The following PRKN variants were observed in gnomAD, a reference collection of about 807,000 sequenced individuals.
The protein encoded by PRKN is parkin RBR E3 ubiquitin protein ligase, also known as E3 ubiquitin-protein ligase parkin.
In PRKN, 56 loss-of-function variants were observed where a neutral mutation model predicts 59.5. The ratio of observed to expected loss-of-function variants is 0.94; its 90% CI spans 0.76 to 1.18. The LOEUF (loss-of-function observed/expected upper bound fraction) is 1.18, where lower values mean the gene tolerates loss of function less well. Ranked by LOEUF, PRKN falls within the 50% of genes most tolerant of loss-of-function variation. PRKN has a pLI of 0.00. For missense variants in PRKN, 657 were observed against 596.4 expected (o/e 1.10, Z -1.06); for synonymous variants, 250 against 222.1 (o/e 1.13, Z -1.12).
chr6:162,538,018 ATATAGTCATC>A (rs1249907872), intron 1 of PRKN, among the ~76,000 whole-genome samples: 1 of 152,216 alleles, frequency 6.6e-6, no homozygotes, highest in African/African-American at 2.4e-5. Context: ...ACTGGTATAA[ATATAGTCATC>A]TTCTCAACTG....
At chr6:162,207,307 C>T (rs11969594) in intron 3 of PRKN, among the ~76,000 whole-genome samples, 3,883 of 152,094 alleles carry the variant, frequency 0.026, 131 homozygotes, top group African/African-American at 0.078. Context: ...AGGAGACGGA[C>T]GCTGAAGTGA....
intron 6 of PRKN, among the ~76,000 whole-genome samples, chr6:161,879,085 C>A (rs182017022): frequency 2.6e-5 from 4 of 152,114 alleles, no homozygotes; most frequent in South Asian, 2.1e-4. Flanking sequence ...ATTAGCATTT[C>A]TCTCCAGATT....
At chr6:162,543,878 G>A (rs1057384136) in intron 1 of PRKN, among the ~76,000 whole-genome samples, 2 of 152,124 alleles carry the variant, frequency 1.3e-5, no homozygotes, top group East Asian at 1.9e-4. Context: ...CAGCAAAGGG[G>A]CCAATGAGAA....
At chr6:162,443,591 A>G (rs1790168740) in intron 1 of PRKN, 118 bp from the exon 2 acceptor site, 1 of 922,928 alleles carries the variant, frequency 1.1e-6, no homozygotes, top group African/African-American at 1.6e-5. Flanking sequence ...AATGGTATAT[A>G]TTTTCTTTCA....
chr6:162,486,804 T>C (rs1562323028), intron 1 of PRKN, among the ~76,000 whole-genome samples: 1 of 152,160 alleles, frequency 6.6e-6, no homozygotes, highest in African/African-American at 2.4e-5. Context: ...GCGTGGTGGC[T>C]CATGCCTGTA....
intron 4 of PRKN, among the ~76,000 whole-genome samples, chr6:162,175,743 A>T (rs1240754390): frequency 6.6e-6 from 1 of 152,148 alleles, no homozygotes; most frequent in African/African-American, 2.4e-5. Flanking sequence ...TACTGCTGGA[A>T]TAGCAAGACT....
At chr6:162,549,795 T>C (rs1238331851) in intron 1 of PRKN, among the ~76,000 whole-genome samples, 3 of 152,068 alleles carry the variant, frequency 2.0e-5, no homozygotes, top group Non-Finnish European at 2.9e-5. Context: ...TATGACACCA[T>C]GCCTGGCTAA....
chr6:162,492,197 T>TA (rs1411283202), intron 1 of PRKN, among the ~76,000 whole-genome samples: 1 of 152,178 alleles, frequency 6.6e-6, no homozygotes, highest in African/African-American at 2.4e-5. Context: ...ACTAACATGA[T>TA]AAAAGATTGG....
In PRKN at chr6:162,437,201, T is replaced by C. The variant is rs151229618; in HGVS notation, c.171+6109A>G. Among the ~76,000 whole-genome samples the C allele has an allele frequency of 2.1e-3, 317 of 152,362 alleles. 1 individual carries two copies. Among genetic ancestry groups the C allele is most frequent in the African/African-American group, 6.8e-3 (281 of 41,588 alleles). ...GTATGAACAAGTCTTTAAATGTGTC[T>C]GCTAATCAATTAAATTATTTTTCTC... On this transcript the variant is annotated intron_variant, in intron 2 of 11. Coordinates refer to ENST00000366898, the MANE Select transcript of PRKN (RefSeq NM_004562.3).
chr6:161,580,344 C>T (rs1268471975), intron 7 of PRKN, among the ~76,000 whole-genome samples: 1 of 152,156 alleles, frequency 6.6e-6, no homozygotes, highest in East Asian at 1.9e-4. Context: ...CTCTAAAACA[C>T]GAGACCTTGA....
intron 7 of PRKN, among the ~76,000 whole-genome samples, chr6:161,700,972 T>C (rs1786227586): frequency 6.6e-6 from 1 of 152,248 alleles, no homozygotes; most frequent in East Asian, 1.9e-4. Flanking sequence ...TTTGTTTGTC[T>C]GTATAGATAT....
chr6:161,696,220 T>C (rs904321313), intron 7 of PRKN, among the ~76,000 whole-genome samples: 2 of 152,184 alleles, frequency 1.3e-5, no homozygotes, highest in Admixed American at 6.5e-5. Context: ...TTTTTTCCCA[T>C]AGTTAAGAGA....
chr6:162,448,261 T>A (rs753464539), intron 1 of PRKN, among the ~76,000 whole-genome samples: 1 of 152,128 alleles, frequency 6.6e-6, no homozygotes, highest in Non-Finnish European at 1.5e-5. Context: ...CTTCTGCACC[T>A]TTGAGAACTA....
At chr6:161,650,020 C>G (rs1784094494) in intron 7 of PRKN, among the ~76,000 whole-genome samples, 1 of 152,178 alleles carries the variant, frequency 6.6e-6, no homozygotes, top group South Asian at 2.1e-4. Context: ...AGAGTCTCAG[C>G]TGAGGCCTCA....
At chr6:161,965,684 AT>A (rs1234175025) in intron 6 of PRKN, among the ~76,000 whole-genome samples, 1 of 152,058 alleles carries the variant, frequency 6.6e-6, no homozygotes, top group Non-Finnish European at 1.5e-5. Context: ...AATCAAACAC[AT>A]TTAAGAAATA....
chr6:161,506,808 G>T (rs1411917372), intron 9 of PRKN, among the ~76,000 whole-genome samples: 3 of 152,198 alleles, frequency 2.0e-5, no homozygotes, highest in East Asian at 1.9e-4. Flanking sequence ...GTCCCAAAAA[G>T]CTTGCTCAGT....
chr6:162,513,035 T>C (rs534816085), intron 1 of PRKN, among the ~76,000 whole-genome samples: 1 of 152,114 alleles, frequency 6.6e-6, no homozygotes, highest in Non-Finnish European at 1.5e-5. Context: ...AGCACTGACA[T>C]GGGCTACTTG....
chr6:162,638,201 T>C (rs1472463489), intron 1 of PRKN, among the ~76,000 whole-genome samples: 1 of 91,680 alleles, frequency 1.1e-5, no homozygotes, highest in Non-Finnish European at 2.1e-5. Flanking sequence ...ACAATAATAT[T>C]ATCCCTATGT....
At chr6:161,741,649 G>A (rs1788189553) in intron 7 of PRKN, among the ~76,000 whole-genome samples, 1 of 152,094 alleles carries the variant, frequency 6.6e-6, no homozygotes, top group East Asian at 1.9e-4. Flanking sequence ...AACACACCAC[G>A]AGGGTTCAAA....
Sources: allele counts gnomAD v4.1 joint callset (sites outside exome capture counted in the v4.1 genomes callset), GRCh38; gene constraint gnomAD v4.1.1; transcripts MANE v1.5; gene names NCBI Gene and HGNC (gene_info 2026-07-23, HGNC 2026-07-21).